The following ZNF600 variants were observed in gnomAD, a reference collection of about 807,000 sequenced individuals.
ZNF600 encodes zinc finger protein 600, also known as zinc finger protein KR-ZNF1.
Under a neutral mutation model 7.3 loss-of-function variants are expected in ZNF600, and 4 were observed. That is an observed-to-expected ratio of 0.55 (90% CI 0.27 to 1.25). The LOEUF is 1.25. Among genes scored for constraint, ZNF600 ranks in the 50% most tolerant of loss-of-function variants. The probability of loss-of-function intolerance (pLI) is 0.12; values close to 1 mark genes in which losing one functional copy is unlikely to be tolerated. For synonymous variants in ZNF600, 290 were observed against 308.9 expected (o/e 0.94, Z 0.64); for missense variants, 911 against 922.1 (o/e 0.99, Z 0.16).
chr19:52,805,711 C>G, the ZNF600 span: 134,149 of 151,942 alleles, frequency 0.88, 59,453 homozygotes, highest in East Asian at 0.92. Flanking sequence ...GGCCAAGCAT[C>G]GTGGTTCATG....
chr19:52,831,555 T>G, the ZNF600 span, among the ~76,000 whole-genome samples: 2 of 151,916 alleles, frequency 1.3e-5, no homozygotes, highest in East Asian at 1.9e-4. Flanking sequence ...CAGGCTGGAG[T>G]GCAATGGTGC....
the ZNF600 span, among the ~76,000 whole-genome samples, chr19:52,794,088 TGGACACAG>T: frequency 3.8e-4 from 57 of 151,900 alleles, no homozygotes; most frequent in African/African-American, 1.3e-3. Flanking sequence ...AGGAGACAAC[TGGACACAG>T]GATTGTAGAG....
exon 3 of ZNF600, chr19:52,774,675 A>G: frequency 1.0e-6 from 1 of 985,396 alleles, no homozygotes; most frequent in South Asian, 4.7e-5. Flanking sequence ...AGAATTCTAT[A>G]GCCACATCCC....
chr19:52,823,475 CA>C, the ZNF600 span, among the ~76,000 whole-genome samples: 705 of 152,260 alleles, frequency 4.6e-3, 7 homozygotes, highest in African/African-American at 0.016. Flanking sequence ...CTTAGCCTCC[CA>C]AAGTGCTGAG....
At chr19:52,771,922 T>C (rs1330373905) in intron 3 of ZNF600, among the ~76,000 whole-genome samples, 2 of 152,182 alleles carry the variant, frequency 1.3e-5, no homozygotes, top group Non-Finnish European at 2.9e-5. Context: ...CAGTCTAAGC[T>C]ATTTCTGACA....
At chr19:52,799,151 T>C in the ZNF600 span, 3 of 405,708 alleles carry the variant, frequency 7.4e-6, no homozygotes, top group African/African-American at 4.1e-5. Flanking sequence ...GGTGTGACTG[T>C]TGATTAAAAA....
the ZNF600 span, chr19:52,814,277 T>A: frequency 1.4e-5 from 2 of 145,848 alleles, 1 homozygote; most frequent in African/African-American, 5.4e-5. Context: ...GATGTTTAAA[T>A]ATAACCATAT....
rs559832651 is a variant in ZNF600, at chr19:52,778,922, A to C, written c.-19-15T>G. On this transcript the variant is annotated splice_polypyrimidine_tract_variant and intron_variant, in intron 1 of 3. Coordinates refer to ENST00000648973, the Ensembl canonical transcript of ZNF600. The stretch of plus-strand genomic sequence containing the variant: ...AGGAATCAATCCTGTATGTGAAAAA[A>C]AATGAGACTTCTTGTTAGAAATGAC... 5.9e-5 allele frequency: 94 copies of C among 1,582,010 alleles called. No homozygotes were observed. The South Asian group carries it at 1.0e-3, about 17-fold the overall frequency.
the ZNF600 span, chr19:52,808,027 T>A: frequency 1.9e-6 from 3 of 1,613,520 alleles, no homozygotes; most frequent in Non-Finnish European, 2.5e-6. Flanking sequence ...CAGGTTCCTA[T>A]AATTCTCCAG....
Position 52,786,803 on chromosome 19 carries a change from G to C in ZNF600, c.-228C>G, listed in dbSNP as rs2869886. On this transcript the variant is annotated 5_prime_UTR_variant, in exon 1 of 4. Transcript: ENST00000648973. Reference sequence around the variant, plus strand: ...GCGCGCCCAGGACTGAAGCCAGGCCGGGGCAGGTTGGCTGGACCTGGGCGG... The same window carrying C: ...GCGCGCCCAGGACTGAAGCCAGGCCCGGGCAGGTTGGCTGGACCTGGGCGG... 143,762 of 353,060 alleles carry C rather than the reference G, an allele frequency of 0.41. 32,388 individuals carry two copies. Among genetic ancestry groups the C allele is most frequent in the East Asian group, 0.74 (8,502 of 11,434 alleles). The allele number at this position is 353,060 out of a possible 1,614,324, so 21.9% of individuals were successfully genotyped here. A position where few individuals can be genotyped will look rare whatever the true frequency, so the allele number is the denominator to read the frequency against.
At chr19:52,813,248 T>TAAAAAAAAAAAAAA in the ZNF600 span, among the ~76,000 whole-genome samples, 1 of 4,754 alleles carries the variant, frequency 2.1e-4, no homozygotes, top group African/African-American at 3.5e-4. Context: ...ACTTGAATGG[T>TAAAAAAAAAAAAAA]GAAAAAAAAA....
chr19:52,815,310 G>A, the ZNF600 span, among the ~76,000 whole-genome samples: 2 of 143,602 alleles, frequency 1.4e-5, no homozygotes, highest in Admixed American at 7.1e-5. Context: ...GAAGACAGGA[G>A]TTCAACATCA....
chr19:52,831,571 C>T, the ZNF600 span, among the ~76,000 whole-genome samples: 7 of 151,918 alleles, frequency 4.6e-5, no homozygotes, highest in East Asian at 5.8e-4. Context: ...GGTGCGATCT[C>T]GGCTCACTGC....
chr19:52,782,125 G>A (rs992550394), intron 1 of ZNF600, among the ~76,000 whole-genome samples: 5 of 152,044 alleles, frequency 3.3e-5, no homozygotes, highest in Non-Finnish European at 7.4e-5. Context: ...CTACTCCGGA[G>A]GCTGAGGTGG....
At chr19:52,810,410 C>T in the ZNF600 span, 3 of 1,604,188 alleles carry the variant, frequency 1.9e-6, no homozygotes, top group Admixed American at 5.0e-5. Context: ...TACTCTGTGA[C>T]AAATTTAGTG....
intron 1 of ZNF600, among the ~76,000 whole-genome samples, chr19:52,784,754 G>C (rs1198888976): frequency 2.0e-5 from 3 of 152,094 alleles, no homozygotes; most frequent in Admixed American, 2.0e-4. Context: ...TTTGAGACAG[G>C]GTCTTGCTCT....
chr19:52,792,718 CTTT>C, the ZNF600 span, among the ~76,000 whole-genome samples: 4 of 151,236 alleles, frequency 2.6e-5, no homozygotes, highest in Admixed American at 6.6e-5. Flanking sequence ...GCTCAATCCT[CTTT>C]TTATTTATTT....
the ZNF600 span, among the ~76,000 whole-genome samples, chr19:52,794,463 T>C: frequency 1.3e-5 from 2 of 152,168 alleles, no homozygotes; most frequent in African/African-American, 4.8e-5. Flanking sequence ...CACCAAGTTA[T>C]CCTGAGAAGC....
At chr19:52,771,701 A>C (rs1447279986) in intron 3 of ZNF600, among the ~76,000 whole-genome samples, 8 of 152,110 alleles carry the variant, frequency 5.3e-5, no homozygotes, top group Non-Finnish European at 8.8e-5. Flanking sequence ...TGGTCTTGAA[A>C]TTCTGACCTG....
Sources: gnomAD v4.1 joint callset for allele counts (sites outside exome capture counted in the v4.1 genomes callset) on GRCh38, gnomAD v4.1.1 for gene constraint, MANE v1.5 for transcripts, NCBI Gene and HGNC (gene_info 2026-07-23, HGNC 2026-07-21) for gene names.